The following OTUD7B variants were observed in gnomAD, a reference collection of about 807,000 sequenced individuals.
OTUD7B encodes the protein OTU domain-containing protein 7B.
Under a neutral mutation model 82.2 loss-of-function variants are expected in OTUD7B, and 34 were observed. The observed-to-expected ratio is 0.41, with a 90% confidence interval of 0.31 to 0.55. The LOEUF (loss-of-function observed/expected upper bound fraction) is 0.55. Ranked by LOEUF, OTUD7B falls within the 20% of genes least tolerant of loss-of-function variation. OTUD7B has a pLI of 0.20. For synonymous variants in OTUD7B, 398 were observed against 402.7 expected, an observed-to-expected ratio of 0.99 and a Z score of 0.14; for missense variants, 944 against 1,062.1, an observed-to-expected ratio of 0.89 and a Z score of 1.55.
chr1:150,042,104 A>ACCCCCCCCCCCCCCCCCCCCCC, the OTUD7B span, among the ~76,000 whole-genome samples: 1 of 55,890 alleles, frequency 1.8e-5, no homozygotes, highest in Non-Finnish European at 3.5e-5. Flanking sequence ...AGAGGTGCAG[A>ACCCCCCCCCCCCCCCCCCCCCC]CCCTCCCTCC....
the OTUD7B span, among the ~76,000 whole-genome samples, chr1:150,049,863 C>T: frequency 6.6e-6 from 1 of 151,990 alleles, no homozygotes; most frequent in Admixed American, 6.6e-5. Flanking sequence ...AATGAACCAC[C>T]GTGCCCAGCC....
chr1:150,047,540 A>T, the OTUD7B span: 1 of 152,124 alleles, frequency 6.6e-6, no homozygotes, highest in African/African-American at 2.4e-5. Context: ...AGCACCTAAT[A>T]GGTATTCAAC....
the OTUD7B span, among the ~76,000 whole-genome samples, chr1:150,025,306 T>C: frequency 6.6e-6 from 1 of 151,564 alleles, no homozygotes; most frequent in Non-Finnish European, 1.5e-5. Flanking sequence ...TCCCAGCTAC[T>C]TGGGAGGCTG....
At chr1:149,978,680 C>G (rs1034667258) in intron 1 of OTUD7B, among the ~76,000 whole-genome samples, 3 of 152,178 alleles carry the variant, frequency 2.0e-5, no homozygotes, top group African/African-American at 7.2e-5. Flanking sequence ...ATAAGTTCAA[C>G]TGAAAAAGAT....
rs1559814810 is a variant in OTUD7B at position 149,939,404 on chromosome 1, T to C, written c.*4453A>G. On this transcript the variant is annotated 3_prime_UTR_variant, in exon 12 of 12. Transcript: ENST00000581312. ...ACATGGGGACATCGTAATATTTTGT[T>C]ACCCAACTGATGTATGGTGGCAAAA... 6.6e-6 allele frequency: 1 copy of C among 152,242 alleles called. No individual in the cohort carries two copies. Among genetic ancestry groups the C allele is most frequent in the African/African-American group, 2.4e-5 (1 of 41,458 alleles). The allele number at this position is 152,242 out of a possible 1,614,324, so 9.4% of individuals were successfully genotyped here.
At chr1:150,031,938 T>A in the OTUD7B span, among the ~76,000 whole-genome samples, 1 of 152,178 alleles carries the variant, frequency 6.6e-6, no homozygotes, top group Non-Finnish European at 1.5e-5. Flanking sequence ...AGAAGAGATA[T>A]AACTATAAAC....
the OTUD7B span, among the ~76,000 whole-genome samples, chr1:150,033,052 C>T: frequency 6.6e-6 from 1 of 152,130 alleles, no homozygotes; most frequent in Non-Finnish European, 1.5e-5. Flanking sequence ...CATTGTTAGA[C>T]ATTTAACTTT....
chr1:150,025,665 A>G, the OTUD7B span, among the ~76,000 whole-genome samples: 3 of 152,090 alleles, frequency 2.0e-5, no homozygotes, highest in Non-Finnish European at 4.4e-5. Context: ...ACCTAAGACT[A>G]CCTTTCTCTG....
chr1:150,063,854 G>C, the OTUD7B span, among the ~76,000 whole-genome samples: 1 of 152,298 alleles, frequency 6.6e-6, no homozygotes, highest in South Asian at 2.1e-4. Flanking sequence ...AGGCTGCGTA[G>C]ACACTAAGCC....
the OTUD7B span, among the ~76,000 whole-genome samples, chr1:150,045,557 A>G: frequency 6.6e-6 from 1 of 152,226 alleles, no homozygotes; most frequent in African/African-American, 2.4e-5. Context: ...GAGACCAAAA[A>G]AAGCATACAG....
chr1:150,003,344 A>C (rs1405562205), intron 1 of OTUD7B, among the ~76,000 whole-genome samples: 1 of 152,094 alleles, frequency 6.6e-6, no homozygotes, highest in African/African-American at 2.4e-5. Flanking sequence ...ATAATGATTA[A>C]GTAAAAGTTA....
intron 1 of OTUD7B, among the ~76,000 whole-genome samples, chr1:149,981,106 AGAGGAG>A (rs1292545045): frequency 6.8e-6 from 1 of 146,314 alleles, no homozygotes; most frequent in Admixed American, 6.9e-5. Context: ...AGGAGGAGGA[AGAGGAG>A]GAGGAGGGGG....
chr1:150,042,137 C>CCCTCCCTCCCTTCCTT, the OTUD7B span, among the ~76,000 whole-genome samples: 1 of 118,820 alleles, frequency 8.4e-6, no homozygotes, highest in Admixed American at 8.4e-5. Context: ...CTCCCTCCCT[C>CCCTCCCTCCCTTCCTT]CCTCCCTTCC....
intron 1 of OTUD7B, among the ~76,000 whole-genome samples, chr1:149,978,231 G>A (rs1319483218): frequency 6.6e-6 from 1 of 152,206 alleles, no homozygotes; most frequent in Non-Finnish European, 1.5e-5. Context: ...ATTAGGCCAG[G>A]TGCGGTGGCT....
At chr1:149,960,413 T>TTTTTC (rs1366020859) in intron 6 of OTUD7B, among the ~76,000 whole-genome samples, 1 of 72,566 alleles carries the variant, frequency 1.4e-5, no homozygotes, top group African/African-American at 5.3e-5. Context: ...TTTTTTTTTG[T>TTTTTC]AGACAGAGTC....
intron 1 of OTUD7B, among the ~76,000 whole-genome samples, chr1:149,990,359 C>T (rs781797998): frequency 6.6e-6 from 1 of 152,358 alleles, no homozygotes; most frequent in South Asian, 2.1e-4. Context: ...AGGCCTAACA[C>T]ATTGCTTAGC....
chr1:150,065,226 C>T, the OTUD7B span, among the ~76,000 whole-genome samples: 1 of 152,136 alleles, frequency 6.6e-6, no homozygotes, highest in Non-Finnish European at 1.5e-5. Context: ...CGCTGGCCAC[C>T]ATGCCCAACT....
intron 1 of OTUD7B, among the ~76,000 whole-genome samples, chr1:149,993,144 C>CA (rs1238342954): frequency 5.3e-5 from 8 of 151,584 alleles, no homozygotes; most frequent in Non-Finnish European, 1.0e-4. Flanking sequence ...GAGACTGTCT[C>CA]AAAAAAAAGA....
At chr1:150,060,727 C>T in the OTUD7B span, among the ~76,000 whole-genome samples, 1 of 152,156 alleles carries the variant, frequency 6.6e-6, no homozygotes, top group East Asian at 1.9e-4. Flanking sequence ...TGCAGTAAGA[C>T]AGGCAAAAAG....
Sources: gnomAD v4.1 joint callset for allele counts (sites outside exome capture counted in the v4.1 genomes callset) on GRCh38, gnomAD v4.1.1 for gene constraint, MANE v1.5 for transcripts, NCBI Gene and HGNC (gene_info 2026-07-23, HGNC 2026-07-21) for gene names.